Variants in MRPS25 observed in about 807,000 individuals in gnomAD.
The protein encoded by MRPS25 is mitochondrial ribosomal protein S25.
In MRPS25, 15 loss-of-function variants were observed where a neutral mutation model predicts 17.3. The observed-to-expected ratio is 0.87, with a 90% CI of 0.58 to 1.34. The LOEUF is 1.34. Ranked by LOEUF, MRPS25 falls within the 40% of genes most tolerant of loss-of-function variation. MRPS25 has a pLI of 0.00. For missense variants in MRPS25, 225 were observed against 218.6 expected, an observed-to-expected ratio of 1.03 and a Z score of -0.19; for synonymous variants, 94 against 83.3, an observed-to-expected ratio of 1.13 and a Z score of -0.70.
chr3:15,052,743 C>T, intron 3 of MRPS25, 110 bp from the exon 4 acceptor site: 2 of 1,142,596 alleles, frequency 1.8e-6, no homozygotes, highest in Non-Finnish European at 2.5e-6. Flanking sequence ...CCTGGATCTC[C>T]TGCCTTCTAA....
chr3:15,058,864 G>A (rs923203926), intron 2 of MRPS25, among the ~76,000 whole-genome samples: 2 of 151,854 alleles, frequency 1.3e-5, no homozygotes, highest in Non-Finnish European at 2.9e-5. Flanking sequence ...ATCACTTAGC[G>A]CCTGGTCCAA....
downstream of MRPS25, chr3:15,045,500 T>C (rs1559318999): frequency 6.5e-6 from 1 of 152,714 alleles, no homozygotes; most frequent in East Asian, 1.9e-4. Context: ...AGGGACTGTT[T>C]TGGGCTTTGA....
At chr3:15,059,073 C>T (rs1361925239) in intron 2 of MRPS25, among the ~76,000 whole-genome samples, 1 of 149,414 alleles carries the variant, frequency 6.7e-6, no homozygotes, top group East Asian at 2.0e-4. Context: ...AAATGGGATT[C>T]CAGGCCAGGA....
Position 15,050,961 on chromosome 3 carries a change from A to G in MRPS25, c.*1480T>C. 2.0e-6 allele frequency: 2 copies of G among 985,384 alleles called. No individual in the cohort carries two copies. The highest frequency in any genetic ancestry group is 2.4e-6 in the Non-Finnish European group (2 of 829,906). 61.0% of individuals were successfully genotyped at this position (985,384 alleles called of 1,614,324 possible). On this transcript the variant is annotated 3_prime_UTR_variant, in exon 4 of 4. Coordinates refer to ENST00000253686, the MANE Select transcript of MRPS25 (RefSeq NM_022497.5). ...TGGCAGAAAAGGTAACCTTTTCCCC[A>G]TTTTACAGACAAAACCAGTTACAGA...
chr3:15,061,756 G>A (rs1404479507), intron 1 of MRPS25, among the ~76,000 whole-genome samples: 12 of 146,590 alleles, frequency 8.2e-5, no homozygotes, highest in African/African-American at 2.3e-4. Flanking sequence ...GCCGCCCATC[G>A]TCTGAGATGT....
chr3:15,061,388 G>C (rs1466277779), intron 1 of MRPS25, among the ~76,000 whole-genome samples: 4 of 152,186 alleles, frequency 2.6e-5, no homozygotes, highest in Non-Finnish European at 5.9e-5. Flanking sequence ...ACTGGTTTTC[G>C]TATTTTTTTG....
At chr3:15,042,850 G>A (rs761331134), downstream of MRPS25, 5 of 1,613,836 alleles carry the variant, frequency 3.1e-6, no homozygotes, top group East Asian at 2.2e-5. Flanking sequence ...CCGGATCCTC[G>A]TTCGCCTGCC....
At chr3:15,044,467 G>T (rs551313403), downstream of MRPS25, 11 of 152,290 alleles carry the variant, frequency 7.2e-5, no homozygotes, top group African/African-American at 2.4e-4. Context: ...CGCTTAAAAG[G>T]AAGTTATGTC....
downstream of MRPS25, chr3:15,046,598 C>T (rs942486329): frequency 3.3e-5 from 5 of 152,302 alleles, no homozygotes. Flanking sequence ...TGTGTACATC[C>T]ATGTTCTGGG....
Position 15,050,908 on chromosome 3 carries a change from C to T in MRPS25, c.*1533G>A, listed in dbSNP as rs1480565708. The T allele has an allele frequency of 1.0e-6, 1 of 985,258 alleles. No homozygotes were observed. The highest frequency in any genetic ancestry group is 6.1e-5 in the Admixed American group (1 of 16,262). The allele number at this position is 985,258 out of a possible 1,614,324, so 61.0% of individuals were successfully genotyped here. Reference sequence around the variant, plus strand: ...GTTAATGAAACACATCGTAGTATGACATCATTTCACCAGCCAGCTACTTCA... The same window carrying T: ...GTTAATGAAACACATCGTAGTATGATATCATTTCACCAGCCAGCTACTTCA... On this transcript the variant is annotated 3_prime_UTR_variant, in exon 4 of 4. Coordinates refer to ENST00000253686, the MANE Select transcript of MRPS25 (RefSeq NM_022497.5).
At chr3:15,060,544 C>T (rs2042738438) in intron 1 of MRPS25, among the ~76,000 whole-genome samples, 1 of 147,000 alleles carries the variant, frequency 6.8e-6, no homozygotes, top group African/African-American at 2.5e-5. Flanking sequence ...AGAAAAGTGG[C>T]TCTCTGAGGA....
chr3:15,053,116 G>A (rs2042626555), intron 3 of MRPS25, among the ~76,000 whole-genome samples: 1 of 152,214 alleles, frequency 6.6e-6, no homozygotes, highest in Non-Finnish European at 1.5e-5. Flanking sequence ...CAAGTCAGCT[G>A]CATTTCAGCT....
chr3:15,059,299 C>T (rs1575070491), intron 2 of MRPS25, 70 bp downstream of exon 2: 2 of 1,079,276 alleles, frequency 1.9e-6, no homozygotes, highest in Non-Finnish European at 2.8e-6. Flanking sequence ...CTGACGCTCC[C>T]ATAGGAAGGA....
intron 2 of MRPS25, 33 bp from the exon 3 acceptor site, chr3:15,053,500 CAG>C: frequency 3.1e-6 from 5 of 1,613,918 alleles, no homozygotes; most frequent in Non-Finnish European, 4.2e-6. Flanking sequence ...AGAAGAGAAA[CAG>C]AACTCACAGC....
At position 15,050,451 on chromosome 3, in the gene MRPS25, C is replaced by A; in HGVS notation, c.*1990G>T. 1.0e-6 allele frequency: 1 copy of A among 994,122 alleles called. No individual in the cohort carries two copies. Among genetic ancestry groups the A allele is most frequent in the Non-Finnish European group, 1.2e-6 (1 of 836,480 alleles). The allele number at this position is 994,122 out of a possible 1,614,324, so 61.6% of individuals were successfully genotyped here. A position where few individuals can be genotyped will look rare whatever the true frequency, so the allele number is the denominator to read the frequency against. ...GGGCCCTAGAGGGAAGGAATACTCT[C>A]ATAAGGCTTTGTGTGTCACTAGCTA... On this transcript the variant is annotated 3_prime_UTR_variant, in exon 4 of 4. Coordinates refer to ENST00000253686, the MANE Select transcript of MRPS25 (RefSeq NM_022497.5).
At chr3:15,057,926 C>T (rs1341669183) in intron 2 of MRPS25, among the ~76,000 whole-genome samples, 5 of 152,226 alleles carry the variant, frequency 3.3e-5, no homozygotes, top group Admixed American at 6.5e-5. Flanking sequence ...ACTCTGTTGC[C>T]CAGGCTGGCG....
chr3:15,053,312 A>G (rs1559327025), intron 3 of MRPS25, 68 bp downstream of exon 3: 1 of 1,608,336 alleles, frequency 6.2e-7, no homozygotes, highest in Non-Finnish European at 8.5e-7. Flanking sequence ...CTTCCCACAC[A>G]CCCCTTTCTT....
chr3:15,056,852 G>A (rs1265387916), intron 2 of MRPS25, among the ~76,000 whole-genome samples: 1 of 152,206 alleles, frequency 6.6e-6, no homozygotes. Context: ...GCGAGGACGC[G>A]CAGCTGCTGG....
Position 15,049,871 on chromosome 3 carries a change from C to T in MRPS25, c.*2570G>A. On this transcript the variant is annotated 3_prime_UTR_variant, in exon 4 of 4. Coordinates refer to ENST00000253686, the MANE Select transcript of MRPS25 (RefSeq NM_022497.5). ...CTGGGCTCAAGTGATCCTCCTGCCT[C>T]AGCCTCCTGAGTAACTGGGACCACA... is the stretch of plus-strand genomic sequence containing the variant. 6.7e-7 allele frequency: 1 copy of T among 1,482,712 alleles called. No homozygotes were observed. Among genetic ancestry groups the T allele is most frequent in the Non-Finnish European group, 9.1e-7 (1 of 1,100,130 alleles). The allele number at this position is 1,482,712 out of a possible 1,614,324, so 91.8% of individuals were successfully genotyped here. A position where few individuals can be genotyped will look rare whatever the true frequency, so the allele number is the denominator to read the frequency against.
Sources: gnomAD v4.1 joint callset for allele counts (sites outside exome capture counted in the v4.1 genomes callset) on GRCh38, gnomAD v4.1.1 for gene constraint, MANE v1.5 for transcripts, NCBI Gene and HGNC (gene_info 2026-07-23, HGNC 2026-07-21) for gene names.